The following KSR2 variants were observed in gnomAD, a reference collection of about 807,000 sequenced individuals.
The protein encoded by KSR2 is kinase suppressor of ras 2.
Under a neutral mutation model 107.8 loss-of-function variants are expected in KSR2, and 25 were observed. That is an observed-to-expected ratio of 0.23 (90% CI 0.17 to 0.32). The LOEUF is 0.32. KSR2 is among the 10% of genes least tolerant of loss of function. KSR2 has a pLI of 1.00. For missense variants in KSR2, 887 were observed against 1,268.9 expected, an observed-to-expected ratio of 0.70 and a Z score of 4.57; for synonymous variants, 480 against 507.0, an observed-to-expected ratio of 0.95 and a Z score of 0.71.
At chr12:117,657,651 G>A (rs1884242572) in intron 5 of KSR2, among the ~76,000 whole-genome samples, 1 of 152,172 alleles carries the variant, frequency 6.6e-6, no homozygotes, top group Non-Finnish European at 1.5e-5. Context: ...TTCCTGCCTG[G>A]GTGAAGCCAA....
chr12:117,963,201 A>G (rs545807711), intron 1 of KSR2, among the ~76,000 whole-genome samples: 1 of 152,106 alleles, frequency 6.6e-6, no homozygotes, highest in African/African-American at 2.4e-5. Flanking sequence ...AAATAAAAAG[A>G]AAACTGCCCC....
chr12:117,794,187 C>T (rs1280124319), intron 3 of KSR2, among the ~76,000 whole-genome samples: 3 of 124,636 alleles, frequency 2.4e-5, no homozygotes, highest in Non-Finnish European at 4.9e-5. Flanking sequence ...CACCAACATG[C>T]ACACACACCA....
intron 3 of KSR2, among the ~76,000 whole-genome samples, chr12:117,786,311 T>C (rs1890073206): frequency 6.6e-6 from 1 of 151,600 alleles, no homozygotes; most frequent in Non-Finnish European, 1.5e-5. Context: ...GATACTAACA[T>C]ATTTTTTATT....
rs779149024 is a variant in KSR2, at chr12:117,848,817, TG to T, written c.472+6610del. Among the ~76,000 whole-genome samples, 10 of 144,696 alleles carry T rather than the reference TG, an allele frequency of 6.9e-5. No homozygotes were observed. The East Asian group carries it at 1.6e-3, about 24-fold the overall frequency. 94.9% of individuals were successfully genotyped at this position (144,696 alleles called of 152,430 possible). ...ATGGTGGTAACAACAGTGATGGTGG[TG>T]GGTGGTGATGGTGGTAGTGGTGGTG... is the stretch of plus-strand genomic sequence containing the variant. On this transcript the variant is annotated intron_variant, in intron 3 of 19. Transcript: ENST00000339824.
intron 5 of KSR2, among the ~76,000 whole-genome samples, chr12:117,600,465 G>A (rs374857036): frequency 1.2e-3 from 189 of 152,222 alleles, no homozygotes; most frequent in African/African-American, 4.2e-3. Context: ...CACGCCCTCC[G>A]TCTCCTTTAC....
chr12:117,722,945 C>T (rs1190960115), intron 4 of KSR2, among the ~76,000 whole-genome samples: 1 of 152,134 alleles, frequency 6.6e-6, no homozygotes, highest in East Asian at 1.9e-4. Context: ...GAGAAGTATC[C>T]CGTATTCCCA....
At chr12:117,721,119 G>T (rs7964607) in intron 4 of KSR2, among the ~76,000 whole-genome samples, 2 of 151,942 alleles carry the variant, frequency 1.3e-5, no homozygotes, top group African/African-American at 4.8e-5. Context: ...AAAAGAAGTC[G>T]TCAAAAGCAA....
chr12:117,849,487 G>C (rs1309508986), intron 3 of KSR2, among the ~76,000 whole-genome samples: 2 of 152,168 alleles, frequency 1.3e-5, no homozygotes, highest in Non-Finnish European at 2.9e-5. Context: ...CTGGCTCTGG[G>C]ATCCTTTGAT....
At chr12:117,628,252 T>C (rs145178137) in intron 5 of KSR2, among the ~76,000 whole-genome samples, 3,079 of 152,318 alleles carry the variant, frequency 0.02, 111 homozygotes, top group African/African-American at 0.07. Context: ...GGTGAGGAGC[T>C]GCAATCCTTT....
At chr12:117,548,802 T>C (rs1877072286) in intron 9 of KSR2, among the ~76,000 whole-genome samples, 1 of 152,192 alleles carries the variant, frequency 6.6e-6, no homozygotes, top group South Asian at 2.1e-4. Flanking sequence ...AGGGAGAAAC[T>C]AGACCCTCTC....
intron 2 of KSR2, among the ~76,000 whole-genome samples, chr12:117,856,315 C>T (rs1054945057): frequency 6.6e-6 from 1 of 152,104 alleles, no homozygotes; most frequent in Non-Finnish European, 1.5e-5. Flanking sequence ...ACAGTGTCTC[C>T]CTAGACCATC....
At chr12:117,766,657 C>A (rs1009465491) in intron 3 of KSR2, among the ~76,000 whole-genome samples, 1 of 152,014 alleles carries the variant, frequency 6.6e-6, no homozygotes, top group African/African-American at 2.4e-5. Context: ...TGGAACCCCA[C>A]TGGCCAGGAG....
chr12:117,713,589 T>A (rs932779471), intron 4 of KSR2, among the ~76,000 whole-genome samples: 1 of 151,832 alleles, frequency 6.6e-6, no homozygotes, highest in Non-Finnish European at 1.5e-5. Flanking sequence ...GTAGTTTGCA[T>A]TTGTTACACC....
At chr12:117,608,602 T>A (rs1881419641) in intron 5 of KSR2, among the ~76,000 whole-genome samples, 1 of 151,988 alleles carries the variant, frequency 6.6e-6, no homozygotes, top group African/African-American at 2.4e-5. Context: ...CCCATGAAAA[T>A]CCTTTCATTT....
intron 7 of KSR2, among the ~76,000 whole-genome samples, chr12:117,573,440 G>A (rs1387283846): frequency 1.3e-5 from 2 of 151,568 alleles, no homozygotes; most frequent in Non-Finnish European, 2.9e-5. Context: ...ATACTCCAGG[G>A]AGCCACACAA....
At chr12:117,629,525 G>T (rs1489662291) in intron 5 of KSR2, among the ~76,000 whole-genome samples, 3 of 152,208 alleles carry the variant, frequency 2.0e-5, no homozygotes, top group African/African-American at 7.2e-5. Flanking sequence ...CAATAAGTTG[G>T]TCACAGATTT....
intron 17 of KSR2, among the ~76,000 whole-genome samples, chr12:117,472,467 C>T (rs1324741973): frequency 1.3e-5 from 2 of 152,122 alleles, no homozygotes; most frequent in Non-Finnish European, 2.9e-5. Context: ...GCACAAGATT[C>T]CCCAACTTAG....
intron 1 of KSR2, among the ~76,000 whole-genome samples, chr12:117,881,972 T>C (rs915480639): frequency 9.9e-5 from 15 of 152,236 alleles, no homozygotes; most frequent in African/African-American, 3.6e-4. Context: ...TCCAAAGAGA[T>C]GCTGGAGTGT....
chr12:117,480,559 TCA>T (rs1314622482), intron 16 of KSR2, among the ~76,000 whole-genome samples: 1 of 152,034 alleles, frequency 6.6e-6, no homozygotes, highest in African/African-American at 2.4e-5. Flanking sequence ...CAGAACACAC[TCA>T]CATCACTGGG....
Sources: allele counts gnomAD v4.1 joint callset (sites outside exome capture counted in the v4.1 genomes callset), GRCh38; gene constraint gnomAD v4.1.1; transcripts MANE v1.5; gene names NCBI Gene and HGNC (gene_info 2026-07-23, HGNC 2026-07-21).